The following ADAMTS19 variants were observed in gnomAD, a reference collection of about 807,000 sequenced individuals.
ADAMTS19 encodes ADAM metallopeptidase with thrombospondin type 1 motif 19.
Under a neutral mutation model 153.3 loss-of-function variants are expected in ADAMTS19, and 93 were observed. That is an observed-to-expected ratio of 0.61 (90% CI 0.51 to 0.72). The LOEUF is 0.72. Ranked by LOEUF, ADAMTS19 falls within the 30% of genes least tolerant of loss-of-function variation. ADAMTS19 has a pLI of 0.00. For missense variants in ADAMTS19, 1,482 were observed against 1,552.1 expected, an observed-to-expected ratio of 0.95 and a Z score of 0.76; for synonymous variants, 600 against 556.6, an observed-to-expected ratio of 1.08 and a Z score of -1.10.
chr5:129,510,856 G>GAT (rs60233609), intron 3 of ADAMTS19, among the ~76,000 whole-genome samples: 14,876 of 140,772 alleles, frequency 0.11, 783 homozygotes, highest in East Asian at 0.22. Context: ...AAGTTTCTGA[G>GAT]ATATATATAT....
rs2126976774 is a variant in ADAMTS19, at chr5:129,620,762, T to C, written c.1619+4T>C. The C allele has an allele frequency of 6.2e-7, 1 of 1,611,346 alleles. No individual in the cohort carries two copies. Among genetic ancestry groups the C allele is most frequent in the Non-Finnish European group, 8.5e-7 (1 of 1,178,390 alleles). The stretch of plus-strand genomic sequence containing the variant: ...AAGATTTGGAAAGATTTCTCAGGTA[T>C]GGAGGTCACTTATTGTTTTTGCCTT... On this transcript the variant is annotated splice_donor_region_variant and intron_variant, in intron 9 of 22. Transcript: ENST00000274487.
intron 8 of ADAMTS19, among the ~76,000 whole-genome samples, chr5:129,607,733 G>A (rs543720059): frequency 6.6e-6 from 1 of 151,914 alleles, no homozygotes; most frequent in Admixed American, 6.6e-5. Flanking sequence ...CTGGTTATAG[G>A]CCTGTCCAAC....
At chr5:129,729,630 T>C (rs1204271678) in intron 21 of ADAMTS19, among the ~76,000 whole-genome samples, 4 of 152,052 alleles carry the variant, frequency 2.6e-5, no homozygotes, top group African/African-American at 9.7e-5. Flanking sequence ...TATTTTTATT[T>C]CCAGGTTATG....
intron 13 of ADAMTS19, 143 bp from the exon 14 acceptor site, chr5:129,654,160 CTAA>C: frequency 2.8e-6 from 2 of 713,538 alleles, no homozygotes. Flanking sequence ...TAGAAATCTT[CTAA>C]TGTTATCTAC....
intron 7 of ADAMTS19, among the ~76,000 whole-genome samples, chr5:129,569,005 C>T (rs543171068): frequency 4.6e-5 from 7 of 151,894 alleles, no homozygotes; most frequent in South Asian, 2.1e-4. Flanking sequence ...AGTTTGAACA[C>T]GCCAAATAAA....
At chr5:129,665,429 G>T in intron 15 of ADAMTS19, 70 bp from the exon 16 acceptor site, 2 of 1,320,440 alleles carry the variant, frequency 1.5e-6, no homozygotes, top group Non-Finnish European at 2.1e-6. Context: ...GAAAACAAAA[G>T]GCAAGTCAAT....
intron 17 of ADAMTS19, among the ~76,000 whole-genome samples, chr5:129,683,034 T>G (rs1358312283): frequency 6.6e-6 from 1 of 152,106 alleles, no homozygotes; most frequent in Non-Finnish European, 1.5e-5. Flanking sequence ...ATAAAGTTCT[T>G]CAATAATTTA....
chr5:129,675,965 T>A (rs1019606865), intron 16 of ADAMTS19, among the ~76,000 whole-genome samples: 2 of 151,906 alleles, frequency 1.3e-5, no homozygotes, highest in African/African-American at 4.8e-5. Flanking sequence ...GAGGCAGAGG[T>A]TGCAATGACC....
At chr5:129,664,633 A>G (rs2127080237) in intron 15 of ADAMTS19, among the ~76,000 whole-genome samples, 1 of 152,238 alleles carries the variant, frequency 6.6e-6, no homozygotes, top group Non-Finnish European at 1.5e-5. Flanking sequence ...CAACTCTGGA[A>G]TTAGCTCTTG....
intron 13 of ADAMTS19, among the ~76,000 whole-genome samples, chr5:129,649,389 A>C (rs1240639130): frequency 6.6e-6 from 1 of 152,246 alleles, no homozygotes; most frequent in Non-Finnish European, 1.5e-5. Flanking sequence ...AGAGGAGCAA[A>C]CTATTAATAC....
chr5:129,689,751 C>T (rs1337444338), intron 18 of ADAMTS19, among the ~76,000 whole-genome samples: 2 of 152,106 alleles, frequency 1.3e-5, no homozygotes, highest in Non-Finnish European at 2.9e-5. Context: ...AGGTACTATA[C>T]ATGTACCAAA....
At chr5:129,599,349 G>A (rs1750531074) in intron 8 of ADAMTS19, among the ~76,000 whole-genome samples, 2 of 152,000 alleles carry the variant, frequency 1.3e-5, no homozygotes, top group African/African-American at 4.8e-5. Flanking sequence ...AAAGATACAT[G>A]TCATCATAAA....
Position 129,461,525 on chromosome 5 carries a change from T to G in ADAMTS19, c.515T>G (p.Leu172Trp). 6.6e-7 allele frequency: 1 copy of G among 1,526,638 alleles called. No individual in the cohort carries two copies. The highest frequency in any genetic ancestry group is 8.7e-7 in the Non-Finnish European group (1 of 1,143,674). 94.6% of individuals were successfully genotyped at this position (1,526,638 alleles called of 1,614,324 possible). A position where few individuals can be genotyped will look rare whatever the true frequency, so the allele number is the denominator to read the frequency against. ...QHAEPDGDEV[L>W]LRIPAFSRDL... ...GCCGAGCCGGATGGCGACGAAGTGTTGCTGCGGATCCCGGCCTTCTCTCGG... is the reference window on the plus strand; with the variant it reads ...GCCGAGCCGGATGGCGACGAAGTGTGGCTGCGGATCCCGGCCTTCTCTCGG... The change falls in exon 2 of 23, where the codon TTG becomes TGG. Residue 172 changes from leucine to tryptophan, a missense_variant. Leu to Trp is a moderately conservative substitution (Grantham distance 61, BLOSUM62 -2). This residue lies in a region of ADAMTS19 where 866 missense variants were observed against 827.7 expected (regional missense o/e 1.05). Coordinates refer to ENST00000274487, the MANE Select transcript of ADAMTS19 (RefSeq NM_133638.6). This position sits in a 1 kb window ranked among gnomAD's most constrained non-coding sequence, Gnocchi z 4.6.
intron 21 of ADAMTS19, among the ~76,000 whole-genome samples, chr5:129,708,938 A>G (rs1266495853): frequency 6.6e-6 from 1 of 152,132 alleles, no homozygotes; most frequent in Non-Finnish European, 1.5e-5. Context: ...GAAGCACAGT[A>G]AATCATTTTG....
At chr5:129,694,913 A>T in intron 19 of ADAMTS19, 58 bp downstream of exon 19, 1 of 1,399,272 alleles carries the variant, frequency 7.1e-7, no homozygotes, top group Non-Finnish European at 9.5e-7. Flanking sequence ...GCTGTCCTTT[A>T]AAACATGCTC....
At chr5:129,733,936 AGTGTGTGCGTGTGTGTGT>A (rs1215486801) in intron 21 of ADAMTS19, among the ~76,000 whole-genome samples, 4 of 143,338 alleles carry the variant, frequency 2.8e-5, no homozygotes, top group East Asian at 2.2e-4. Context: ...GGATAAAGCA[AGTGTGTGCGTGTGTGTGT>A]GTGTGTGTGT....
chr5:129,511,688 T>TA (rs1167112436), intron 3 of ADAMTS19, among the ~76,000 whole-genome samples: 1 of 151,424 alleles, frequency 6.6e-6, no homozygotes, highest in Non-Finnish European at 1.5e-5. Context: ...TTATTAAGAC[T>TA]AGAGGGAGAA....
At chr5:129,635,731 T>C (rs577133092) in intron 10 of ADAMTS19, among the ~76,000 whole-genome samples, 1 of 152,140 alleles carries the variant, frequency 6.6e-6, no homozygotes, top group South Asian at 2.1e-4. Flanking sequence ...CATTGGAGCC[T>C]ATTAGAAGGT....
At chr5:129,679,620 G>A in intron 16 of ADAMTS19, 144 bp from the exon 17 acceptor site, 3 of 735,862 alleles carry the variant, frequency 4.1e-6, no homozygotes, top group Non-Finnish European at 6.3e-6. Flanking sequence ...TTCCTAAAAA[G>A]AGCTGCCTCA....
Sources: gnomAD v4.1 joint callset for allele counts (sites outside exome capture counted in the v4.1 genomes callset) on GRCh38, gnomAD v4.1.1 for gene constraint, gnomAD v4.1.1 regional missense constraint, Gnocchi (gnomAD v3.1) non-coding constraint, MANE v1.5 for transcripts, NCBI Gene and HGNC (gene_info 2026-07-23, HGNC 2026-07-21) for gene names.